The following FYB2 variants were observed in gnomAD, a reference collection of about 807,000 sequenced individuals.
FYB2 encodes the protein FYN-binding protein 2.
FYB2 carries 103 observed loss-of-function variants against 94.1 expected under a neutral mutation model. The ratio of observed to expected loss-of-function variants is 1.09; its 90% CI spans 0.93 to 1.29. The LOEUF (loss-of-function observed/expected upper bound fraction) is 1.29. Among genes scored for constraint, FYB2 ranks in the 50% most tolerant of loss-of-function variants. The pLI, the probability that FYB2 is intolerant of heterozygous loss-of-function variation, is 0.00. For synonymous variants in FYB2, 293 were observed against 287.9 expected, an observed-to-expected ratio of 1.02 and a Z score of -0.18; for missense variants, 896 against 841.5, an observed-to-expected ratio of 1.06 and a Z score of -0.80.
At chr1:56,795,798 A>T (rs1382155926) in intron 1 of FYB2, among the ~76,000 whole-genome samples, 1 of 152,206 alleles carries the variant, frequency 6.6e-6, no homozygotes, top group Non-Finnish European at 1.5e-5. Context: ...TGTAGGATTA[A>T]TTAAGCAAAG....
At chr1:56,807,727 G>A (rs151157497) in intron 1 of FYB2, among the ~76,000 whole-genome samples, 90 of 152,288 alleles carry the variant, frequency 5.9e-4, no homozygotes, top group Non-Finnish European at 1.1e-3. Flanking sequence ...CCGTTTTATA[G>A]ATAAAGAAAC....
intron 14 of FYB2, 156 bp from the exon 15 acceptor site, chr1:56,737,303 C>A: frequency 4.3e-6 from 2 of 467,588 alleles, no homozygotes; most frequent in Non-Finnish European, 7.4e-6. Context: ...CTAGAAGAAT[C>A]AAAGAATAAA....
chr1:56,756,747 C>G (rs1030926399), intron 6 of FYB2, among the ~76,000 whole-genome samples: 1 of 152,036 alleles, frequency 6.6e-6, no homozygotes, highest in Non-Finnish European at 1.5e-5. Context: ...AATATGGGAG[C>G]AGTGATATCA....
Position 56,726,118 on chromosome 1 carries a change from CT to C in FYB2, c.1880+378del, listed in dbSNP as rs901874922. Among the ~76,000 whole-genome samples the C allele has an allele frequency of 1.8e-3, 272 of 151,682 alleles. 1 individual carries two copies. The highest frequency in any genetic ancestry group is 5.7e-3 in the African/African-American group (236 of 41,396). The stretch of plus-strand genomic sequence containing the variant: ...ATTAGTCTTACTATATGATACCTAA[CT>C]TTTTTTTTCTCAAAGTTACATTTAA... On this transcript the variant is annotated intron_variant, in intron 16 of 19. Transcript: ENST00000343433.
At chr1:56,825,828 T>C in the FYB2 span, among the ~76,000 whole-genome samples, 62 of 152,256 alleles carry the variant, frequency 4.1e-4, no homozygotes, top group Non-Finnish European at 7.8e-4. Context: ...ACCTGCTGCA[T>C]TTCTCCCTTG....
intron 5 of FYB2, among the ~76,000 whole-genome samples, chr1:56,761,208 T>C (rs1194820672): frequency 6.6e-6 from 1 of 152,216 alleles, no homozygotes; most frequent in Non-Finnish European, 1.5e-5. Flanking sequence ...AAATGTTTAT[T>C]ACTAACATAA....
intron 15 of FYB2, among the ~76,000 whole-genome samples, chr1:56,730,610 G>A (rs1008109548): frequency 4.6e-5 from 7 of 151,968 alleles, no homozygotes; most frequent in African/African-American, 1.7e-4. Flanking sequence ...AACTTGAAAA[G>A]ACCAATAAAA....
In FYB2 at chr1:56,744,192, C is replaced by T; in HGVS notation, c.1462G>A (p.Glu488Lys). Residue 488 changes from glutamate to lysine, a missense_variant, in exon 10 of 20, where the codon GAG becomes AAG. Coordinates refer to ENST00000343433, the MANE Select transcript of FYB2 (RefSeq NM_001004303.5). ...TACTCGACATCATCATATATCTCCT[C>T]CGAGATGGAACTTGTCTTAGAGACC... ...LGVSKTSSIS[E>K]EIYDDVEYSR... 6.2e-7 allele frequency: 1 copy of T among 1,612,764 alleles called. No homozygotes were observed. Among genetic ancestry groups the T allele is most frequent in the Non-Finnish European group, 8.5e-7 (1 of 1,179,282 alleles).
chr1:56,770,199 G>A (rs1645721043), intron 4 of FYB2, among the ~76,000 whole-genome samples: 1 of 152,062 alleles, frequency 6.6e-6, no homozygotes, highest in African/African-American at 2.4e-5. Flanking sequence ...ACTTTATGGG[G>A]AAGTAGAAAA....
chr1:56,731,882 A>T (rs1231969811), intron 15 of FYB2: 4 of 152,158 alleles, frequency 2.6e-5, no homozygotes, highest in Non-Finnish European at 5.9e-5. Flanking sequence ...ACCCACAGCT[A>T]ACATCTTACC....
intron 4 of FYB2, among the ~76,000 whole-genome samples, chr1:56,779,027 T>C (rs546544675): frequency 1.3e-5 from 2 of 152,026 alleles, no homozygotes; most frequent in Non-Finnish European, 2.9e-5. Flanking sequence ...GTACTTCTGA[T>C]TGGTCAGGGA....
intron 1 of FYB2, among the ~76,000 whole-genome samples, chr1:56,799,398 C>G (rs2101017433): frequency 6.6e-6 from 1 of 152,230 alleles, no homozygotes; most frequent in Admixed American, 6.5e-5. Context: ...TAGCTCTAAT[C>G]ACACCATTGA....
intron 7 of FYB2, among the ~76,000 whole-genome samples, chr1:56,754,735 C>G (rs561825035): frequency 1.3e-5 from 2 of 152,104 alleles, no homozygotes; most frequent in Non-Finnish European, 2.9e-5. Context: ...TCACTCCCAA[C>G]TACTCTGGCT....
In FYB2 at chr1:56,737,219, T is replaced by C. The variant is rs1376660146; in HGVS notation, c.1733-72A>G. ...ATATAAGCACTGACTTTCCAAATTA[T>C]ACTCAATTACCTAATTATCCAGGTG... On this transcript the variant is annotated intron_variant, in intron 14 of 19. Transcript: ENST00000343433. The C allele has an allele frequency of 4.7e-5, 53 of 1,124,134 alleles. No homozygotes were observed. The Admixed American group carries it at 1.2e-3, about 25-fold the overall frequency. The allele number at this position is 1,124,134 out of a possible 1,614,324, so 69.6% of individuals were successfully genotyped here. A position where few individuals can be genotyped will look rare whatever the true frequency, so the allele number is the denominator to read the frequency against.
chr1:56,797,426 C>A (rs77972882), intron 1 of FYB2, among the ~76,000 whole-genome samples: 9,716 of 152,178 alleles, frequency 0.064, 435 homozygotes, highest in East Asian at 0.2. Context: ...CTCTACCTAC[C>A]TTACCCTGGG....
rs1486340542 is a variant in FYB2, at chr1:56,746,966, C to CT, written c.1388-2701dup. 3.9e-5 allele frequency among the ~76,000 whole-genome samples: 6 copies of CT among 151,942 alleles called. No individual in the cohort carries two copies. The East Asian group carries it at 7.8e-4, about 20-fold the overall frequency. ...TTTACTAACACTTGATATTTTTAGT[C>CT]TTTTTTATTGTAGCCAATTTGGTAG... is the stretch of plus-strand genomic sequence containing the variant. On this transcript the variant is annotated intron_variant, in intron 9 of 19. Transcript: ENST00000343433.
intron 15 of FYB2, among the ~76,000 whole-genome samples, chr1:56,729,400 C>A (rs1644654315): frequency 6.6e-6 from 1 of 152,044 alleles, no homozygotes; most frequent in African/African-American, 2.4e-5. Context: ...TAACAGATAA[C>A]CTAGGGTTTC....
intron 8 of FYB2, among the ~76,000 whole-genome samples, chr1:56,751,530 C>A (rs1436480634): frequency 6.6e-6 from 1 of 151,998 alleles, no homozygotes; most frequent in Non-Finnish European, 1.5e-5. Flanking sequence ...CATCAGTTCT[C>A]TTGATAAAGA....
At chr1:56,719,750 G>T (rs1190811247) in intron 19 of FYB2, 58 bp from the exon 20 acceptor site, 3 of 1,380,046 alleles carry the variant, frequency 2.2e-6, no homozygotes, top group African/African-American at 1.5e-5. Flanking sequence ...AAACAGTTGA[G>T]TGGGAGATTT....
Sources: allele counts gnomAD v4.1 joint callset (sites outside exome capture counted in the v4.1 genomes callset), GRCh38; gene constraint gnomAD v4.1.1; transcripts MANE v1.5; gene names NCBI Gene and HGNC (gene_info 2026-07-23, HGNC 2026-07-21).